PSIP1: variants seen among roughly 807,000 people sequenced by gnomAD.
PSIP1 encodes PC4 and SFRS1-interacting protein.
In PSIP1, 19 loss-of-function variants were observed where a neutral mutation model predicts 74.7. That is an observed-to-expected ratio of 0.25 (90% CI 0.18 to 0.37). The LOEUF (loss-of-function observed/expected upper bound fraction) is 0.37. PSIP1 is among the 10% of genes least tolerant of loss of function. The pLI is 1.00. For missense variants in PSIP1, 601 were observed against 614.3 expected (o/e 0.98, Z 0.23); for synonymous variants, 222 against 195.3 (o/e 1.14, Z -1.14).
chr9:15,478,648 G>C (rs1243464736), intron 7 of PSIP1, 96 bp from the exon 8 acceptor site: 1 of 829,206 alleles, frequency 1.2e-6, no homozygotes, highest in East Asian at 2.7e-5. Context: ...TACTATTTAA[G>C]AATATTAGTA....
rs1408490747 is a variant in PSIP1, at chr9:15,465,716, G to GT, written c.1533-137dup. 6.1e-6 allele frequency: 4 copies of GT among 650,962 alleles called. No homozygotes were observed. The African/African-American group carries it at 7.4e-5, about 12-fold the overall frequency. The allele number at this position is 650,962 out of a possible 1,614,324, so 40.3% of individuals were successfully genotyped here. ...ACCAAACAAAAGAAAAACTTGACTT[G>GT]TTATTAGAACAGTCATTATTATTTT... On this transcript the variant is annotated intron_variant, in intron 15 of 15. Transcript: ENST00000380733.
chr9:15,498,235 G>A (rs1227089587), intron 3 of PSIP1, among the ~76,000 whole-genome samples: 1 of 152,074 alleles, frequency 6.6e-6, no homozygotes, highest in African/African-American at 2.4e-5. Flanking sequence ...GGCCAAGACG[G>A]CAAAACCCCA....
At position 15,468,798 on chromosome 9, in the gene PSIP1, T is replaced by C. The variant is rs572598401; in HGVS notation, c.1252A>G (p.Met418Val). The change falls in exon 14 of 16, where the codon ATG becomes GTG. Residue 418 changes from methionine (M) to valine (V), a missense_variant. Met to Val is a conservative substitution (Grantham distance 21). Coordinates refer to ENST00000380733, the MANE Select transcript of PSIP1 (RefSeq NM_033222.5). ...ATGTTCTTAAACTTGTTATACAACA[T>C]TGTAGACTTTTCCATGATTACCTGA... is the stretch of plus-strand genomic sequence containing the variant. The part of the protein sequence containing the change: ...VSQVIMEKST[M>V]LYNKFKNMFL... 1.2e-6 allele frequency: 2 copies of C among 1,614,010 alleles called. No individual in the cohort carries two copies. The highest frequency in any genetic ancestry group is 1.7e-5 in the Admixed American group (1 of 60,020).
At chr9:15,478,327 A>T (rs2036185223) in intron 8 of PSIP1, 150 bp downstream of exon 8, 3 of 629,908 alleles carry the variant, frequency 4.8e-6, no homozygotes, top group Admixed American at 6.3e-5. Context: ...TACTTTACAA[A>T]ATTTTCCCAG....
At chr9:15,507,150 T>A (rs2037629688) in intron 2 of PSIP1, among the ~76,000 whole-genome samples, 1 of 152,196 alleles carries the variant, frequency 6.6e-6, no homozygotes, top group African/African-American at 2.4e-5. Context: ...CTGAAAAACT[T>A]ACTATGAAAA....
rs766090861 is a variant in PSIP1 at position 15,510,190 on chromosome 9, T to C, written c.-2A>G. The C allele has an allele frequency of 1.9e-6, 3 of 1,603,546 alleles. No homozygotes were observed. In the African/African-American group the frequency reaches 4.1e-5, roughly 22 times the overall value. On this transcript the variant is annotated 5_prime_UTR_variant, in exon 2 of 16. Transcript: ENST00000380733. ...TCCAGGTTTGAAATCGCGAGTCATG[T>C]TTCGGGGGCGAGACCGGGGGTCCGA...
chr9:15,469,042 A>G lies in PSIP1; in HGVS notation c.1121T>C (p.Ile374Thr). The G allele has an allele frequency of 1.2e-6, 2 of 1,613,778 alleles. No individual in the cohort carries two copies. The highest frequency in any genetic ancestry group is 1.7e-6 in the Non-Finnish European group (2 of 1,179,850). Residue 374 changes from isoleucine (I) to threonine (T), a missense_variant, in exon 13 of 16, where the codon ATT (isoleucine) becomes ACT (threonine). This residue lies in a region of PSIP1 where 538 missense variants were observed against 507.6 expected (regional missense o/e 1.06). Coordinates refer to ENST00000380733, the MANE Select transcript of PSIP1 (RefSeq NM_033222.5). ...KIDNLDVNRCIEALDELASLQ... is the reference protein window; with the variant it reads ...KIDNLDVNRCTEALDELASLQ... The stretch of plus-strand genomic sequence containing the variant: ...TGAAGCAAGTTCATCCAAGGCCTCA[A>G]TGCATCTGTTCACATCCTTCATGAC...
intron 3 of PSIP1, chr9:15,506,199 C>T (rs966603616): frequency 7.8e-5 from 13 of 166,898 alleles, no homozygotes; most frequent in African/African-American, 3.1e-4. Context: ...GTTTGCATAT[C>T]TGATATCATA....
chr9:15,487,880 T>C (rs2036623599), intron 4 of PSIP1, among the ~76,000 whole-genome samples: 1 of 152,176 alleles, frequency 6.6e-6, no homozygotes, highest in Admixed American at 6.5e-5. Context: ...ATGAATCCAT[T>C]AACAAGTAAG....
chr9:15,469,858 A>ACC, intron 11 of PSIP1, 80 bp downstream of exon 11: 2 of 1,239,076 alleles, frequency 1.6e-6, no homozygotes, highest in Non-Finnish European at 2.3e-6. Context: ...TTATTCCAAA[A>ACC]CCAATACATG....
At chr9:15,502,726 C>G (rs1039911176) in intron 3 of PSIP1, among the ~76,000 whole-genome samples, 1 of 152,170 alleles carries the variant, frequency 6.6e-6, no homozygotes, top group Non-Finnish European at 1.5e-5. Flanking sequence ...AACATGTAAT[C>G]AAGGATAATA....
intron 8 of PSIP1, among the ~76,000 whole-genome samples, chr9:15,477,413 T>C (rs1054714038): frequency 6.6e-6 from 1 of 152,200 alleles, no homozygotes; most frequent in African/African-American, 2.4e-5. Context: ...TGCCACTATT[T>C]TTGAAAGTAA....
chr9:15,500,117 T>A (rs2132202838), intron 3 of PSIP1, among the ~76,000 whole-genome samples: 1 of 152,296 alleles, frequency 6.6e-6, no homozygotes, highest in Non-Finnish European at 1.5e-5. Context: ...ACAGAAAAAT[T>A]ATTCAACAGA....
At chr9:15,469,182 TAC>T in intron 12 of PSIP1, 82 bp downstream of exon 12, 1 of 1,312,660 alleles carries the variant, frequency 7.6e-7, no homozygotes. Context: ...CCCTTAAATT[TAC>T]ATACTCATAA....
In PSIP1 at chr9:15,486,841, T is replaced by C. The variant is rs1410248336; in HGVS notation, c.379A>G (p.Lys127Glu). The change falls in exon 5 of 16, where the codon AAA becomes GAA. Residue 127 changes from lysine (K) to glutamate (E), a missense_variant. By Grantham distance (56) the Lys-to-Glu change is moderately conservative. This residue lies in a region of PSIP1 where 538 missense variants were observed against 507.6 expected (regional missense o/e 1.06). Transcript: ENST00000380733. Reference protein sequence around the residue: ...VSKEDTDHEEKASNEDVTKAV... With the variant: ...VSKEDTDHEEEASNEDVTKAV... ...ATAGAACATACCTCATTGCTGGCTT[T>C]TTCTTCATGGTCGGTATCTTCCTTT... 1 of 1,604,498 alleles carries C rather than the reference T, an allele frequency of 6.2e-7. No individual in the cohort carries two copies. The highest frequency in any genetic ancestry group is 1.7e-5 in the Admixed American group (1 of 58,954).
chr9:15,488,060 G>C (rs1587503737), intron 4 of PSIP1, among the ~76,000 whole-genome samples: 1 of 152,204 alleles, frequency 6.6e-6, no homozygotes, highest in African/African-American at 2.4e-5. Flanking sequence ...GCCGGGCACA[G>C]TGACTTATGC....
chr9:15,469,485 T>C, intron 11 of PSIP1, 149 bp from the exon 12 acceptor site: 2 of 557,952 alleles, frequency 3.6e-6, no homozygotes, highest in South Asian at 5.4e-5. Context: ...CACAATAGCT[T>C]AACTAAGAAT....
At chr9:15,484,543 G>T (rs1283983644) in intron 6 of PSIP1, among the ~76,000 whole-genome samples, 2 of 151,836 alleles carry the variant, frequency 1.3e-5, no homozygotes, top group Non-Finnish European at 2.9e-5. Flanking sequence ...TGGCCAACAT[G>T]GTAAAACCTC....
intron 2 of PSIP1, among the ~76,000 whole-genome samples, chr9:15,507,282 A>C (rs532461618): frequency 3.3e-5 from 5 of 152,228 alleles, no homozygotes; most frequent in Non-Finnish European, 7.3e-5. Context: ...TATATCCATA[A>C]TACTTGTTAC....
Sources: allele counts gnomAD v4.1 joint callset (sites outside exome capture counted in the v4.1 genomes callset), GRCh38; gene constraint gnomAD v4.1.1; regional missense constraint gnomAD v4.1.1; transcripts MANE v1.5; gene names NCBI Gene and HGNC (gene_info 2026-07-23, HGNC 2026-07-21).